PID1: variants seen among roughly 807,000 people sequenced by gnomAD.
PID1 encodes PTB-containing, cubilin and LRP1-interacting protein.
A neutral mutation model predicts 19.1 loss-of-function variants in PID1; 10 were observed. The observed-to-expected ratio is 0.52, with a 90% CI of 0.32 to 0.89. The LOEUF is 0.89. PID1 is among the 40% of genes least tolerant of loss of function. PID1 has a pLI of 0.03. For missense variants in PID1, 248 were observed against 285.3 expected (o/e 0.87, Z 0.94); for synonymous variants, 130 against 116.0 (o/e 1.12, Z -0.78).
chr2:229,132,619 T>A (rs1446569214), intron 2 of PID1, among the ~76,000 whole-genome samples: 1 of 152,246 alleles, frequency 6.6e-6, no homozygotes, highest in Non-Finnish European at 1.5e-5. Flanking sequence ...TCCAGGCTCA[T>A]TATGTAATTA....
intron 2 of PID1, among the ~76,000 whole-genome samples, chr2:229,125,917 A>G (rs964702244): frequency 2.0e-5 from 3 of 152,176 alleles, no homozygotes; most frequent in African/African-American, 7.2e-5. Context: ...TCTCGGCAAC[A>G]AAGTTCCTGC....
chr2:229,174,678 TC>T (rs11297971), intron 1 of PID1, among the ~76,000 whole-genome samples: 24,040 of 136,598 alleles, frequency 0.18, 2,539 homozygotes, highest in Non-Finnish European at 0.25. Context: ...TTTTTGCCCC[TC>T]CCCAACCCCA....
At chr2:229,135,850 A>G (rs544934449) in intron 2 of PID1, among the ~76,000 whole-genome samples, 40 of 152,326 alleles carry the variant, frequency 2.6e-4, no homozygotes, top group African/African-American at 9.1e-4. Flanking sequence ...AACATGCTCA[A>G]TTTGTGCTTG....
intron 2 of PID1, among the ~76,000 whole-genome samples, chr2:229,101,698 A>T (rs1452251280): frequency 1.3e-5 from 2 of 152,222 alleles, no homozygotes; most frequent in Non-Finnish European, 2.9e-5. Context: ...AAACTATTAA[A>T]GCAAAAAATC....
chr2:229,195,468 T>G (rs1691358495), intron 1 of PID1, among the ~76,000 whole-genome samples: 1 of 151,914 alleles, frequency 6.6e-6, no homozygotes, highest in East Asian at 1.9e-4. Context: ...CATACATATA[T>G]TCATATTTTT....
intron 1 of PID1, among the ~76,000 whole-genome samples, chr2:229,175,498 G>C (rs1451114503): frequency 2.6e-5 from 4 of 152,194 alleles, no homozygotes; most frequent in African/African-American, 9.6e-5. Context: ...AAAAAGTACT[G>C]CAAGTCTCCC....
At chr2:229,093,752 C>A (rs1694920757) in intron 2 of PID1, among the ~76,000 whole-genome samples, 1 of 97,526 alleles carries the variant, frequency 1.0e-5, no homozygotes, top group Non-Finnish European at 2.5e-5. Context: ...TCTAGCATGG[C>A]TTTATGATAA....
At chr2:229,139,513 A>G (rs575765636) in intron 2 of PID1, among the ~76,000 whole-genome samples, 1 of 152,320 alleles carries the variant, frequency 6.6e-6, no homozygotes, top group South Asian at 2.1e-4. Context: ...CTAGCTGTGA[A>G]CTACTGAACA....
At chr2:229,135,089 T>C (rs906684204) in intron 2 of PID1, among the ~76,000 whole-genome samples, 10 of 151,474 alleles carry the variant, frequency 6.6e-5, no homozygotes, top group Admixed American at 2.0e-4. Context: ...GAGGGAAAGA[T>C]GTGAGAAAGG....
chr2:229,216,300 C>T (rs1223678753), intron 1 of PID1, among the ~76,000 whole-genome samples: 1 of 152,194 alleles, frequency 6.6e-6, no homozygotes, highest in Non-Finnish European at 1.5e-5. Context: ...AGTGGACGCT[C>T]AGACTCATTG....
chr2:229,117,380 A>C (rs1283944527), intron 2 of PID1, among the ~76,000 whole-genome samples: 1 of 152,088 alleles, frequency 6.6e-6, no homozygotes, highest in Non-Finnish European at 1.5e-5. Flanking sequence ...CACAATCTGG[A>C]TAAGATGTAC....
chr2:229,191,712 T>C (rs1324448015), intron 1 of PID1, among the ~76,000 whole-genome samples: 1 of 152,232 alleles, frequency 6.6e-6, no homozygotes, highest in Non-Finnish European at 1.5e-5. Flanking sequence ...GAATCAGCAC[T>C]CTTAAATTGG....
At chr2:229,097,269 C>T (rs1559231358) in intron 2 of PID1, among the ~76,000 whole-genome samples, 1 of 152,152 alleles carries the variant, frequency 6.6e-6, no homozygotes, top group Non-Finnish European at 1.5e-5. Context: ...CCCCGTCTTA[C>T]ATATGTGCTA....
At chr2:229,248,841 G>A (rs1228381522) in intron 1 of PID1, among the ~76,000 whole-genome samples, 1 of 152,088 alleles carries the variant, frequency 6.6e-6, no homozygotes, top group Admixed American at 6.5e-5. Context: ...TGAAAGCCAA[G>A]GGGCCTTCTG....
At chr2:229,056,094 T>C (rs1356893815) in intron 2 of PID1, among the ~76,000 whole-genome samples, 1 of 152,212 alleles carries the variant, frequency 6.6e-6, no homozygotes, top group Non-Finnish European at 1.5e-5. Flanking sequence ...TATCTATTCA[T>C]GGGTACTGTT....
At chr2:229,132,264 T>C (rs1372178302) in intron 2 of PID1, among the ~76,000 whole-genome samples, 3 of 152,206 alleles carry the variant, frequency 2.0e-5, no homozygotes, top group African/African-American at 7.2e-5. Context: ...CAACCATCTA[T>C]GTTCCATGTG....
chr2:229,219,356 G>C (rs2106256946), intron 1 of PID1, among the ~76,000 whole-genome samples: 1 of 152,244 alleles, frequency 6.6e-6, no homozygotes, highest in South Asian at 2.1e-4. Flanking sequence ...CATGGCAACA[G>C]CAAGGAGAAG....
chr2:229,073,431 G>A (rs1383651803), intron 2 of PID1, among the ~76,000 whole-genome samples: 4 of 152,204 alleles, frequency 2.6e-5, no homozygotes, highest in African/African-American at 7.2e-5. Flanking sequence ...AAAAATGAGA[G>A]GAAAATTATG....
chr2:229,197,014 A>G (rs1691391769), intron 1 of PID1, among the ~76,000 whole-genome samples: 1 of 152,104 alleles, frequency 6.6e-6, no homozygotes. Context: ...AGGCAAACAT[A>G]TTTATCACTG....
Sources: gnomAD v4.1 joint callset for allele counts (sites outside exome capture counted in the v4.1 genomes callset) on GRCh38, gnomAD v4.1.1 for gene constraint, MANE v1.5 for transcripts, NCBI Gene and HGNC (gene_info 2026-07-23, HGNC 2026-07-21) for gene names.